The following ABLIM1 variants were observed in gnomAD, a reference collection of about 807,000 sequenced individuals.
The protein encoded by ABLIM1 is actin binding LIM protein 1.
ABLIM1 carries 40 observed loss-of-function variants against 107.0 expected under a neutral mutation model. That is an observed-to-expected ratio of 0.37 (90% confidence interval 0.29 to 0.49). The LOEUF (loss-of-function observed/expected upper bound fraction) is 0.49. Ranked by LOEUF, ABLIM1 falls within the 20% of genes least tolerant of loss-of-function variation. The pLI, the probability that ABLIM1 is intolerant of heterozygous loss-of-function variation, is 0.97. For synonymous variants in ABLIM1, 357 were observed against 357.3 expected (o/e 1.00, Z 0.01); for missense variants, 857 against 1,008.5 (o/e 0.85, Z 2.04).
intron 17 of ABLIM1, among the ~76,000 whole-genome samples, chr10:114,442,853 T>C (rs1247313225): frequency 1.3e-5 from 2 of 152,180 alleles, no homozygotes; most frequent in African/African-American, 4.8e-5. Context: ...TGCATTTTTT[T>C]TTTTTGAGAC....
intron 21 of ABLIM1, among the ~76,000 whole-genome samples, chr10:114,438,893 G>C (rs1346573287): frequency 6.6e-6 from 1 of 152,202 alleles, no homozygotes; most frequent in Non-Finnish European, 1.5e-5. Context: ...CTCAGCACCG[G>C]ATATGCTCTG....
At chr10:114,527,322 A>T (rs2064922093) in intron 6 of ABLIM1, among the ~76,000 whole-genome samples, 1 of 152,236 alleles carries the variant, frequency 6.6e-6, no homozygotes, top group Non-Finnish European at 1.5e-5. Context: ...TTTCCATATT[A>T]TTCTGCAGTA....
At position 114,666,897 on chromosome 10, in the gene ABLIM1, C is replaced by G. The variant is rs146697750; in HGVS notation, c.64+17393G>C. Among the ~76,000 whole-genome samples the G allele has an allele frequency of 4.4e-3, 667 of 152,264 alleles. 7 individuals carry two copies. Among genetic ancestry groups the G allele is most frequent in the African/African-American group, 0.015 (627 of 41,544 alleles). ...TAAAAGGAGGAGCCAGTACTCAGAT[C>G]CAAGCAATTATTGCTGTTTTAGAAT... On this transcript the variant is annotated intron_variant, in intron 1 of 23. Transcript: ENST00000369256.
At chr10:114,579,340 ACAGCCCTCTACGTTG>A (rs2073070009) in intron 2 of ABLIM1, among the ~76,000 whole-genome samples, 1 of 152,216 alleles carries the variant, frequency 6.6e-6, no homozygotes, top group South Asian at 2.1e-4. Flanking sequence ...GTGGATATTG[ACAGCCCTCTACGTTG>A]CAGACATTGA....
At chr10:114,724,407 A>G (rs2081914366) in intron 1 of ABLIM1, among the ~76,000 whole-genome samples, 1 of 152,166 alleles carries the variant, frequency 6.6e-6, no homozygotes, top group African/African-American at 2.4e-5. Context: ...CCTTTATGGA[A>G]GTAAGGAATT....
At chr10:114,636,460 C>T (rs2078484848) in intron 1 of ABLIM1, among the ~76,000 whole-genome samples, 1 of 152,178 alleles carries the variant, frequency 6.6e-6, no homozygotes, top group East Asian at 1.9e-4. Context: ...ACCATATTGC[C>T]TCCTGCCTCC....
At chr10:114,694,165 T>G (rs145584771) in intron 1 of ABLIM1, among the ~76,000 whole-genome samples, 1 of 152,236 alleles carries the variant, frequency 6.6e-6, no homozygotes, top group Admixed American at 6.5e-5. Flanking sequence ...GGAAAGGATG[T>G]GAACACACCC....
intron 1 of ABLIM1, among the ~76,000 whole-genome samples, chr10:114,633,421 C>T (rs2078301004): frequency 6.6e-6 from 1 of 152,146 alleles, no homozygotes; most frequent in Non-Finnish European, 1.5e-5. Context: ...GACATTCCTA[C>T]ATCTGTGACT....
chr10:114,635,679 G>T (rs558600056), intron 1 of ABLIM1, among the ~76,000 whole-genome samples: 1 of 152,168 alleles, frequency 6.6e-6, no homozygotes, highest in Non-Finnish European at 1.5e-5. Context: ...GCGCCACCAC[G>T]CCTGGCTAAT....
intron 1 of ABLIM1, among the ~76,000 whole-genome samples, chr10:114,683,331 T>C (rs2080826005): frequency 6.6e-6 from 1 of 152,236 alleles, no homozygotes; most frequent in South Asian, 2.1e-4. Context: ...ACCACATTAC[T>C]GGACTTTTAA....
At chr10:114,477,258 A>G (rs2056597496) in intron 8 of ABLIM1, among the ~76,000 whole-genome samples, 1 of 152,230 alleles carries the variant, frequency 6.6e-6, no homozygotes, top group South Asian at 2.1e-4. Flanking sequence ...AGTAGCAGAA[A>G]AGAATGCTTG....
intron 22 of ABLIM1, among the ~76,000 whole-genome samples, chr10:114,436,756 G>T (rs887916904): frequency 6.6e-6 from 1 of 152,020 alleles, no homozygotes; most frequent in Non-Finnish European, 1.5e-5. Context: ...TGGTCCCTGG[G>T]GAGCCCCAGG....
At chr10:114,639,358 A>T (rs1007106616) in intron 1 of ABLIM1, among the ~76,000 whole-genome samples, 1 of 152,236 alleles carries the variant, frequency 6.6e-6, no homozygotes, top group Admixed American at 6.5e-5. Flanking sequence ...TAAAAGCAGA[A>T]GTCCTAAAGC....
At chr10:114,525,892 G>T (rs767241452) in intron 6 of ABLIM1, among the ~76,000 whole-genome samples, 5 of 151,846 alleles carry the variant, frequency 3.3e-5, no homozygotes, top group African/African-American at 9.7e-5. Flanking sequence ...ATAACTTTCT[G>T]GTCCCATTTC....
intron 6 of ABLIM1, among the ~76,000 whole-genome samples, chr10:114,520,473 C>G (rs1013161376): frequency 3.3e-5 from 5 of 151,840 alleles, no homozygotes; most frequent in African/African-American, 1.2e-4. Context: ...GTTTCATATT[C>G]TAGGGGAAAT....
the ABLIM1 span, among the ~76,000 whole-genome samples, chr10:114,797,115 T>C: frequency 2.6e-5 from 4 of 152,226 alleles, no homozygotes. Context: ...AATTATCTCA[T>C]CAACTATTCC....
intron 6 of ABLIM1, among the ~76,000 whole-genome samples, chr10:114,516,539 C>T (rs539135083): frequency 1.3e-5 from 2 of 152,250 alleles, no homozygotes; most frequent in African/African-American, 2.4e-5. Context: ...AAAGCCAAAA[C>T]AACAAAAACT....
At chr10:114,458,676 T>A (rs986558769) in intron 12 of ABLIM1, among the ~76,000 whole-genome samples, 1 of 152,210 alleles carries the variant, frequency 6.6e-6, no homozygotes, top group Non-Finnish European at 1.5e-5. Flanking sequence ...TATATTTACA[T>A]CATGGCAACT....
chr10:114,503,039 T>C (rs1008717761), intron 6 of ABLIM1, among the ~76,000 whole-genome samples: 3 of 152,328 alleles, frequency 2.0e-5, no homozygotes, highest in Middle Eastern at 3.4e-3. Context: ...CTCAACACTT[T>C]GTGAGAATTA....
Sources: gnomAD v4.1 joint callset for allele counts (sites outside exome capture counted in the v4.1 genomes callset) on GRCh38, gnomAD v4.1.1 for gene constraint, MANE v1.5 for transcripts, NCBI Gene and HGNC (gene_info 2026-07-23, HGNC 2026-07-21) for gene names.